The following MAP3K6 variants were observed in gnomAD, a reference collection of about 807,000 sequenced individuals.
The protein encoded by MAP3K6 is apoptosis signal-regulating kinase 2.
MAP3K6 carries 105 observed loss-of-function variants against 147.1 expected under a neutral mutation model. The observed-to-expected ratio is 0.71, with a 90% CI of 0.61 to 0.84. The LOEUF (loss-of-function observed/expected upper bound fraction) is 0.84. Ranked by LOEUF, MAP3K6 falls within the 40% of genes least tolerant of loss-of-function variation. MAP3K6 has a pLI of 0.00. For synonymous variants in MAP3K6, 695 were observed against 732.4 expected (o/e 0.95, Z 0.82); for missense variants, 1,569 against 1,715.0 (o/e 0.91, Z 1.50).
In MAP3K6 at chr1:27,366,337, C is replaced by T. The variant is rs1445382903; in HGVS notation, c.261G>A (p.Pro87=). 1.5e-5 allele frequency: 19 copies of T among 1,290,726 alleles called. No individual in the cohort carries two copies. The highest frequency in any genetic ancestry group is 1.8e-5 in the Non-Finnish European group (18 of 1,021,026). The allele number at this position is 1,290,726 out of a possible 1,614,324, so 80.0% of individuals were successfully genotyped here. Residue 87 remains proline (P), a synonymous_variant, in exon 1 of 29, where the codon CCG becomes CCA. Transcript: ENST00000357582. The surrounding 1 kb of genome is among the most constrained non-coding windows in gnomAD (Gnocchi z 5.5). ...EACAQVPRPR[P]PPQLRSLPFG... is the part of the protein sequence containing the mutation. ...AGGGCAGGCTGCGCAGCTGCGGGGG[C>T]GGCCGCGGCCGGGGGACCTGCGCGC...
chr1:27,364,067 G>A lies in MAP3K6; in HGVS notation c.714C>T (p.Thr238=). The part of the protein sequence containing the change: ...PTDSCGYFRE[T]IRRDIRQARE... ...GCGCCTGCCGGATGTCCCGCCGAAT[G>A]GTCTCCCGGAAATAGCCACTGATGC... Residue 238 remains threonine, a synonymous_variant, in exon 5 of 29, where the codon ACC becomes ACT. Coordinates refer to ENST00000357582, the MANE Select transcript of MAP3K6 (RefSeq NM_004672.5). The surrounding 1 kb of genome is among the most constrained non-coding windows in gnomAD (Gnocchi z 4.4). 2 of 1,612,750 alleles carry A rather than the reference G, an allele frequency of 1.2e-6. 1 individual carries two copies. The highest frequency in any genetic ancestry group is 2.7e-5 in the African/African-American group (2 of 75,064).
intron 21 of MAP3K6, 93 bp from the exon 22 acceptor site, chr1:27,357,969 T>C (rs1027099980): frequency 4.1e-6 from 6 of 1,479,432 alleles, no homozygotes; most frequent in Non-Finnish European, 5.4e-6. Flanking sequence ...CCTACTTTTA[T>C]GCCTACCTCA....
intron 6 of MAP3K6, 125 bp downstream of exon 6, chr1:27,363,317 C>T: frequency 1.3e-6 from 1 of 770,800 alleles, no homozygotes; most frequent in Non-Finnish European, 2.1e-6. Flanking sequence ...CTATTGACAT[C>T]AGTGACCCCG....
rs1424613119 is a variant in MAP3K6 at position 27,363,116 on chromosome 1, G to C, written c.972-95C>G. Reference sequence around the variant, plus strand: ...TGAACCAGCAGGGACCCTTCCAGGGGCCTGACAATAATGACCTCAAAATGA... The same window carrying C: ...TGAACCAGCAGGGACCCTTCCAGGGCCCTGACAATAATGACCTCAAAATGA... On this transcript the variant is annotated intron_variant, in intron 6 of 28. Coordinates refer to ENST00000357582, the MANE Select transcript of MAP3K6 (RefSeq NM_004672.5). 6.9e-6 allele frequency: 8 copies of C among 1,166,554 alleles called. No individual in the cohort carries two copies. In the East Asian group the frequency reaches 1.8e-4, roughly 26 times the overall value. 72.3% of individuals were successfully genotyped at this position (1,166,554 alleles called of 1,614,324 possible). A position where few individuals can be genotyped will look rare whatever the true frequency, so the allele number is the denominator to read the frequency against.
At position 27,359,438 on chromosome 1, in the gene MAP3K6, G is replaced by C; in HGVS notation, c.2404C>G (p.Pro802Ala). The C allele has an allele frequency of 6.2e-7, 1 of 1,614,094 alleles. No homozygotes were observed. The highest frequency in any genetic ancestry group is 8.5e-7 in the Non-Finnish European group (1 of 1,180,006). ...GTSKRLAGITPCTETFTGTLQ... is the reference protein window; with the variant it reads ...GTSKRLAGITACTETFTGTLQ... ...TTACCTGTGAAGGTCTCAGTGCAAG[G>C]TGTGATGCCTGCCAGCCGCTTGGAG... The change falls in exon 18 of 29, where the codon CCT becomes GCT. Residue 802 changes from proline (P) to alanine (A), a missense_variant. Transcript: ENST00000357582. This position sits in a 1 kb window ranked among gnomAD's most constrained non-coding sequence, Gnocchi z 4.4.
In MAP3K6 at chr1:27,364,628, G is replaced by A. The variant is rs114943118; in HGVS notation, c.504+33C>T. ...TCAGAGGTCATAGCGGAAGTCAAAGGGCACTTTTGAGTGAGAGGTGGATTC... is the reference window on the plus strand; with the variant it reads ...TCAGAGGTCATAGCGGAAGTCAAAGAGCACTTTTGAGTGAGAGGTGGATTC... On this transcript the variant is annotated intron_variant, in intron 3 of 28. Coordinates refer to ENST00000357582, the MANE Select transcript of MAP3K6 (RefSeq NM_004672.5). The surrounding 1 kb of genome is among the most constrained non-coding windows in gnomAD (Gnocchi z 4.4). 1.6e-4 allele frequency: 255 copies of A among 1,614,140 alleles called. No homozygotes were observed. In the African/African-American group the frequency reaches 3.0e-3, roughly 19 times the overall value.
intron 8 of MAP3K6, 100 bp downstream of exon 8, chr1:27,362,541 C>T: frequency 1.0e-6 from 1 of 954,450 alleles, no homozygotes; most frequent in East Asian, 2.6e-5. Context: ...AATGGATGAG[C>T]TCATCCTAGC....
In MAP3K6 at chr1:27,364,978, C is replaced by T. The variant is rs576554375; in HGVS notation, c.341-66G>A. The stretch of plus-strand genomic sequence containing the variant: ...GCTTGATGGGGAAGGAGCCGGGGTC[C>T]ATCCTGGCTTGACCTGCCTTGCTGT... On this transcript the variant is annotated intron_variant, in intron 1 of 28. Coordinates refer to ENST00000357582, the MANE Select transcript of MAP3K6 (RefSeq NM_004672.5). The surrounding 1 kb of genome is among the most constrained non-coding windows in gnomAD (Gnocchi z 4.4). 4.6e-6 allele frequency: 7 copies of T among 1,508,358 alleles called. No individual in the cohort carries two copies. In the African/African-American group the frequency reaches 8.3e-5, roughly 18 times the overall value. The allele number at this position is 1,508,358 out of a possible 1,614,324, so 93.4% of individuals were successfully genotyped here. A position where few individuals can be genotyped will look rare whatever the true frequency, so the allele number is the denominator to read the frequency against.
At position 27,366,602 on chromosome 1, in the gene MAP3K6, G is replaced by C. The variant is rs1281848144; in HGVS notation, c.-5C>G. 17 of 1,077,540 alleles carry C rather than the reference G, an allele frequency of 1.6e-5. No homozygotes were observed. The Admixed American group carries it at 5.3e-4, about 34-fold the overall frequency. 66.7% of individuals were successfully genotyped at this position (1,077,540 alleles called of 1,614,324 possible). ...CCGGGGACACGGCCCCGCCATGCGG[G>C]GGCGCTCAGGCGCGGGGCGCCGCGC... is the stretch of plus-strand genomic sequence containing the variant. On this transcript the variant is annotated 5_prime_UTR_variant, in exon 1 of 29. Coordinates refer to ENST00000357582, the MANE Select transcript of MAP3K6 (RefSeq NM_004672.5). The surrounding 1 kb of genome is among the most constrained non-coding windows in gnomAD (Gnocchi z 5.5).
In MAP3K6 at chr1:27,360,222, T is replaced by C. The variant is rs376172004; in HGVS notation, c.2182+19A>G. The C allele has an allele frequency of 6.2e-7, 1 of 1,613,288 alleles. No homozygotes were observed. Among genetic ancestry groups the C allele is most frequent in the African/African-American group, 1.3e-5 (1 of 75,012 alleles). ...GCTTCACACCTCGGTTTCATTCCCA[T>C]CCCACACAGGGCAGGTACCTCCAGG... On this transcript the variant is annotated intron_variant, in intron 16 of 28. Transcript: ENST00000357582. This position sits in a 1 kb window ranked among gnomAD's most constrained non-coding sequence, Gnocchi z 4.5.
In MAP3K6 at chr1:27,361,489, G is replaced by A. The variant is rs746522687; in HGVS notation, c.1686+31C>T. 2.5e-6 allele frequency: 4 copies of A among 1,612,936 alleles called. No individual in the cohort carries two copies. The East Asian group carries it at 8.9e-5, about 36-fold the overall frequency. ...GCTCCACAGAAAAGGTCCTAGCAAA[G>A]GTGAGTGAGGGGCCTCAGCAGCGAC... On this transcript the variant is annotated intron_variant, in intron 11 of 28. Transcript: ENST00000357582.
At chr1:27,362,801 C>CA in intron 7 of MAP3K6, 48 bp from the exon 8 acceptor site, 1 of 1,611,212 alleles carries the variant, frequency 6.2e-7, no homozygotes, top group Non-Finnish European at 8.5e-7. Context: ...CCCACAGCAC[C>CA]ACCCCTCATC....
rs1041417660 is a variant in MAP3K6 at position 27,357,939 on chromosome 1, C to G, written c.2916-63G>C. 7.3e-6 allele frequency: 11 copies of G among 1,507,100 alleles called. No individual in the cohort carries two copies. In the Admixed American group the frequency reaches 1.3e-4, roughly 18 times the overall value. The allele number at this position is 1,507,100 out of a possible 1,614,324, so 93.4% of individuals were successfully genotyped here. A position where few individuals can be genotyped will look rare whatever the true frequency, so the allele number is the denominator to read the frequency against. On this transcript the variant is annotated intron_variant, in intron 21 of 28. Coordinates refer to ENST00000357582, the MANE Select transcript of MAP3K6 (RefSeq NM_004672.5). Reference sequence around the variant, plus strand: ...GCAACCGGCCAGTCACCTCTGTTGCCGGGTTTGAATCCTGGCTCTCCTACT... The same window carrying G: ...GCAACCGGCCAGTCACCTCTGTTGCGGGGTTTGAATCCTGGCTCTCCTACT...
Position 27,364,702 on chromosome 1 carries a change from TCA to T in MAP3K6, c.481-20_481-19del. The stretch of plus-strand genomic sequence containing the variant: ...ACATCCTCCTGCAGGAGGCAGACAG[TCA>T]GATACTGGTGTTCTGTGTAGGCCTT... On this transcript the variant is annotated intron_variant, in intron 2 of 28. Coordinates refer to ENST00000357582, the MANE Select transcript of MAP3K6 (RefSeq NM_004672.5). The surrounding 1 kb of genome is among the most constrained non-coding windows in gnomAD (Gnocchi z 4.4). The T allele has an allele frequency of 6.2e-7, 1 of 1,614,060 alleles. No homozygotes were observed. The highest frequency in any genetic ancestry group is 8.5e-7 in the Non-Finnish European group (1 of 1,179,998).
chr1:27,360,378 G>A lies in MAP3K6; in HGVS notation c.2055-10C>T. On this transcript the variant is annotated splice_polypyrimidine_tract_variant and intron_variant, in intron 15 of 28. Transcript: ENST00000357582. The surrounding 1 kb of genome is among the most constrained non-coding windows in gnomAD (Gnocchi z 4.5). Reference sequence around the variant, plus strand: ...CAGGGGCTGAGAGAACCTGAGGGGAGGTAAGGGAGAGAGGAAAGGGACCGA... The same window carrying A: ...CAGGGGCTGAGAGAACCTGAGGGGAAGTAAGGGAGAGAGGAAAGGGACCGA... 6.2e-7 allele frequency: 1 copy of A among 1,612,290 alleles called. No homozygotes were observed. The highest frequency in any genetic ancestry group is 1.1e-5 in the South Asian group (1 of 91,012).
chr1:27,358,667 GC>G lies in MAP3K6; in HGVS notation c.2583+41del. Reference sequence around the variant, plus strand: ...TCAGAGGTGTCCAAGGCCCAGGCTGGCCCTATGCCACTTCCATGGGCCAGGC... The same window carrying G: ...TCAGAGGTGTCCAAGGCCCAGGCTGGCCTATGCCACTTCCATGGGCCAGGC... On this transcript the variant is annotated intron_variant, in intron 19 of 28. Coordinates refer to ENST00000357582, the MANE Select transcript of MAP3K6 (RefSeq NM_004672.5). This position sits in a 1 kb window ranked among gnomAD's most constrained non-coding sequence, Gnocchi z 6.2. The G allele has an allele frequency of 6.2e-7, 1 of 1,613,556 alleles. No homozygotes were observed. Among genetic ancestry groups the G allele is most frequent in the Non-Finnish European group, 8.5e-7 (1 of 1,179,916 alleles).
Position 27,355,293 on chromosome 1 carries a change from C to T in MAP3K6, c.*98G>A, listed in dbSNP as rs778418732. 1.8e-5 allele frequency: 21 copies of T among 1,160,986 alleles called. No individual in the cohort carries two copies. Among genetic ancestry groups the T allele is most frequent in the East Asian group, 1.4e-4 (6 of 42,780 alleles). The allele number at this position is 1,160,986 out of a possible 1,614,324, so 71.9% of individuals were successfully genotyped here. On this transcript the variant is annotated 3_prime_UTR_variant, in exon 29 of 29. Coordinates refer to ENST00000357582, the MANE Select transcript of MAP3K6 (RefSeq NM_004672.5). ...CCCCACTCGCCTGGCTTCCTCCAGT[C>T]GCCCCAGGTCCTGGGGCTGGTGTGT...
Position 27,360,962 on chromosome 1 carries a change from C to T in MAP3K6, c.1879G>A (p.Ala627Thr). 3 of 1,607,670 alleles carry T rather than the reference C, an allele frequency of 1.9e-6. No homozygotes were observed. The highest frequency in any genetic ancestry group is 2.5e-6 in the Non-Finnish European group (3 of 1,176,910). Residue 627 changes from alanine to threonine, a missense_variant, in exon 14 of 29, where the codon GCG becomes ACG. By Grantham distance (58) the Ala-to-Thr change is moderately conservative. Coordinates refer to ENST00000357582, the MANE Select transcript of MAP3K6 (RefSeq NM_004672.5). The surrounding 1 kb of genome is among the most constrained non-coding windows in gnomAD (Gnocchi z 4.5). The part of the protein sequence containing the change: ...QAWVTNPDST[A>T]PAEEAEGAGE... ...GCGCCCTCCGCCTCCTCCGCGGGCG[C>T]CGTGGAATCCGGGTTCGTCACCCAG... is the stretch of plus-strand genomic sequence containing the variant.
Position 27,359,576 on chromosome 1 carries a change from A to T in MAP3K6, c.2320-54T>A. ...TCTGGGCCCCTGCCAGCAGAAGTAG[A>T]CCCTCTTTCTGGGATCCCATCTCCT... On this transcript the variant is annotated intron_variant, in intron 17 of 28. Transcript: ENST00000357582. The surrounding 1 kb of genome is among the most constrained non-coding windows in gnomAD (Gnocchi z 4.4). The T allele has an allele frequency of 1.2e-6, 2 of 1,608,226 alleles. No individual in the cohort carries two copies. The highest frequency in any genetic ancestry group is 1.7e-6 in the Non-Finnish European group (2 of 1,176,640).
Sources: allele counts gnomAD v4.1 joint callset, GRCh38; gene constraint gnomAD v4.1.1; non-coding constraint Gnocchi (gnomAD v3.1); transcripts MANE v1.5; gene names NCBI Gene and HGNC (gene_info 2026-07-23, HGNC 2026-07-21).